ATP2B2: variants seen among roughly 807,000 people sequenced by gnomAD.
ATP2B2 encodes ATPase plasma membrane Ca2+ transporting 2, also known as plasma membrane calcium-transporting ATPase 2.
A neutral mutation model predicts 120.0 loss-of-function variants in ATP2B2; 15 were observed. The ratio of observed to expected loss-of-function variants is 0.12; its 90% CI spans 0.08 to 0.19. ATP2B2 has a LOEUF of 0.19. Among genes scored for constraint, ATP2B2 ranks in the 10% least tolerant of loss-of-function variants. The pLI is 1.00. For missense variants in ATP2B2, 1,045 were observed against 1,719.8 expected, an observed-to-expected ratio of 0.61 and a Z score of 6.94; for synonymous variants, 694 against 700.3, an observed-to-expected ratio of 0.99 and a Z score of 0.14.
intron 1 of ATP2B2, among the ~76,000 whole-genome samples, chr3:10,652,519 C>T (rs1031285837): frequency 1.3e-5 from 2 of 152,134 alleles, no homozygotes; most frequent in African/African-American, 2.4e-5. Context: ...TGCATAAGTA[C>T]TGTATGTAGA....
chr3:10,663,552 C>A (rs972922602), intron 1 of ATP2B2, among the ~76,000 whole-genome samples: 2 of 152,146 alleles, frequency 1.3e-5, no homozygotes, highest in Non-Finnish European at 2.9e-5. Flanking sequence ...TCCTAAGGGG[C>A]CCCGCACCAG....
intron 21 of ATP2B2, among the ~76,000 whole-genome samples, chr3:10,339,622 C>T (rs1187736067): frequency 6.6e-6 from 1 of 152,196 alleles, no homozygotes; most frequent in African/African-American, 2.4e-5. Context: ...AAAGAGCATC[C>T]AGCCCAAGGA....
intron 1 of ATP2B2, among the ~76,000 whole-genome samples, chr3:10,503,214 G>A (rs141227258): frequency 2.4e-3 from 361 of 152,330 alleles, no homozygotes; most frequent in Non-Finnish European, 4.1e-3. Context: ...GGACTTTGGA[G>A]TCTGCTGAAG....
intron 21 of ATP2B2, among the ~76,000 whole-genome samples, 168 bp from the exon 22 acceptor site, chr3:10,338,526 CTTT>C (rs34558372): frequency 3.4e-5 from 3 of 88,448 alleles, no homozygotes; most frequent in African/African-American, 5.4e-5. Flanking sequence ...TTGACAATGT[CTTT>C]TTTTTTTTTT....
At chr3:10,671,069 T>G (rs184047882) in intron 1 of ATP2B2, among the ~76,000 whole-genome samples, 1 of 152,338 alleles carries the variant, frequency 6.6e-6, no homozygotes, top group African/African-American at 2.4e-5. Context: ...AATGTGGTCA[T>G]GTCTCATCTA....
intron 14 of ATP2B2, among the ~76,000 whole-genome samples, chr3:10,353,764 C>T (rs2060639962): frequency 6.6e-6 from 1 of 152,160 alleles, no homozygotes. Flanking sequence ...CTAATTTTTA[C>T]GGACCCTATA....
intron 1 of ATP2B2, among the ~76,000 whole-genome samples, chr3:10,675,313 C>T (rs1344078042): frequency 6.6e-6 from 1 of 152,214 alleles, no homozygotes; most frequent in Non-Finnish European, 1.5e-5. Context: ...TTTGCCTGCT[C>T]TTGAACTTCA....
chr3:10,673,881 G>A (rs1417862950), intron 1 of ATP2B2, among the ~76,000 whole-genome samples: 1 of 150,032 alleles, frequency 6.7e-6, no homozygotes, highest in African/African-American at 2.4e-5. Context: ...GCCTTTGGAT[G>A]TGAAAAAAAC....
At chr3:10,528,120 A>G (rs894977150) in intron 3 of ATP2B2, among the ~76,000 whole-genome samples, 1 of 152,172 alleles carries the variant, frequency 6.6e-6, no homozygotes, top group Non-Finnish European at 1.5e-5. Flanking sequence ...TCTCACGAGC[A>G]TGAGGCTCCT....
intron 3 of ATP2B2, among the ~76,000 whole-genome samples, chr3:10,403,226 C>CTAACTCCGTCCT (rs1264180383): frequency 6.6e-6 from 1 of 152,194 alleles, no homozygotes; most frequent in Non-Finnish European, 1.5e-5. Flanking sequence ...AGGAGGTTCT[C>CTAACTCCGTCCT]TAACTCCGTC....
intron 2 of ATP2B2, among the ~76,000 whole-genome samples, chr3:10,549,574 C>A (rs1158413582): frequency 6.6e-6 from 1 of 152,218 alleles, no homozygotes; most frequent in African/African-American, 2.4e-5. Flanking sequence ...ATCACTTAGG[C>A]CAGCCAGTGG....
chr3:10,535,193 C>G (rs559876486), intron 2 of ATP2B2, among the ~76,000 whole-genome samples: 3 of 152,016 alleles, frequency 2.0e-5, no homozygotes, highest in African/African-American at 4.8e-5. Flanking sequence ...CATGAGCCAC[C>G]GCCCCCAGCC....
At chr3:10,492,696 TGG>T (rs1258275618) in intron 1 of ATP2B2, among the ~76,000 whole-genome samples, 1 of 152,188 alleles carries the variant, frequency 6.6e-6, no homozygotes, top group African/African-American at 2.4e-5. Flanking sequence ...CTTCTCCCTC[TGG>T]GGTGTCCAGA....
intron 2 of ATP2B2, among the ~76,000 whole-genome samples, chr3:10,572,130 T>A (rs572558203): frequency 6.6e-6 from 1 of 152,162 alleles, no homozygotes; most frequent in Non-Finnish European, 1.5e-5. Context: ...TTTAAACTTG[T>A]TGGTTGCAGG....
chr3:10,386,535 T>C (rs374481295), intron 6 of ATP2B2, 23 bp from the exon 7 acceptor site: 58 of 1,613,912 alleles, frequency 3.6e-5, no homozygotes, highest in Non-Finnish European at 4.7e-5. Context: ...TTTTGAGACA[T>C]GTTAATGAAG....
intron 2 of ATP2B2, among the ~76,000 whole-genome samples, chr3:10,437,969 G>A (rs931987582): frequency 5.3e-5 from 8 of 152,170 alleles, no homozygotes; most frequent in African/African-American, 1.7e-4. Context: ...AACTGTGAGA[G>A]AATGAATTTC....
At chr3:10,356,376 C>T (rs994391667) in intron 14 of ATP2B2, among the ~76,000 whole-genome samples, 4 of 152,054 alleles carry the variant, frequency 2.6e-5, no homozygotes, top group Non-Finnish European at 5.9e-5. Flanking sequence ...CTGTTAGTGA[C>T]GTGAAATTTG....
chr3:10,546,380 A>G (rs1239572076), intron 2 of ATP2B2, among the ~76,000 whole-genome samples: 2 of 151,674 alleles, frequency 1.3e-5, no homozygotes, highest in African/African-American at 4.8e-5. Flanking sequence ...CCCCTCACCC[A>G]CCTTAGCCGG....
At position 10,350,426 on chromosome 3, in the gene ATP2B2, T is replaced by C; in HGVS notation, c.2288A>G (p.Asn763Ser). 1.9e-6 allele frequency: 3 copies of C among 1,614,228 alleles called. No homozygotes were observed. The highest frequency in any genetic ancestry group is 2.5e-6 in the Non-Finnish European group (3 of 1,180,030). ...DFLCLEGKEF[N>S]RRIRNEKGEI... ...CCCCTTCTCGTTGCGGATCCTCCTG[T>C]TGAACTCCTTGCCCTCGAGGCACAG... Residue 763 changes from asparagine to serine, a missense_variant, in exon 15 of 23, where the codon AAC (asparagine) becomes AGC (serine). Asn to Ser is a conservative substitution (Grantham distance 46). Around this residue, in one of 11 missense-constraint regions of ATP2B2, gnomAD observed 343 missense variants for 536.8 expected, o/e 0.64. Transcript: ENST00000360273.
Sources: allele counts gnomAD v4.1 joint callset (sites outside exome capture counted in the v4.1 genomes callset), GRCh38; gene constraint gnomAD v4.1.1; regional missense constraint gnomAD v4.1.1; transcripts MANE v1.5; gene names NCBI Gene and HGNC (gene_info 2026-07-23, HGNC 2026-07-21).